Variants in AGBL4 observed in about 807,000 individuals in gnomAD.
AGBL4 encodes AGBL carboxypeptidase 4, also known as cytosolic carboxypeptidase 6.
AGBL4 carries 58 observed loss-of-function variants against 66.4 expected under a neutral mutation model. That is an observed-to-expected ratio of 0.87 (90% CI 0.71 to 1.09). The LOEUF is 1.09. Among genes scored for constraint, AGBL4 ranks in the 50% least tolerant of loss-of-function variants. The pLI is 0.00. For missense variants in AGBL4, 579 were observed against 631.0 expected, an observed-to-expected ratio of 0.92 and a Z score of 0.88; for synonymous variants, 234 against 222.9, an observed-to-expected ratio of 1.05 and a Z score of -0.44.
At position 48,689,420 on chromosome 1, in the gene AGBL4, C is replaced by CCTTCCTTCCTTCCTTT. The variant is rs1304997044; in HGVS notation, c.635-26180_635-26179insAAAGGAAGGAAGGAAG. On this transcript the variant is annotated intron_variant, in intron 6 of 13. Transcript: ENST00000371839. ...ACCTACCTACCTTCCTTCCTTCCTT[C>CCTTCCTTCCTTCCTTT]CTTCCTTTCTTCTTTCCTTCCCTCC... Among the ~76,000 whole-genome samples the CCTTCCTTCCTTCCTTT allele has an allele frequency of 3.9e-4, 59 of 150,902 alleles. 1 individual carries two copies. The highest frequency in any genetic ancestry group is 1.4e-3 in the African/African-American group (58 of 40,520).
chr1:49,549,282 T>C (rs773450014), intron 3 of AGBL4, among the ~76,000 whole-genome samples: 69 of 151,962 alleles, frequency 4.5e-4, no homozygotes, highest in Non-Finnish European at 7.5e-4. Context: ...TTTCATTTAG[T>C]TCTGCCCTGA....
chr1:49,738,646 G>A (rs1650119690), intron 2 of AGBL4, among the ~76,000 whole-genome samples: 2 of 152,210 alleles, frequency 1.3e-5, no homozygotes, highest in African/African-American at 4.8e-5. Context: ...CTAACTGGGA[G>A]GCACCCCCCA....
At chr1:50,005,038 CA>C (rs1378679625) in intron 1 of AGBL4, among the ~76,000 whole-genome samples, 1 of 152,136 alleles carries the variant, frequency 6.6e-6, no homozygotes, top group African/African-American at 2.4e-5. Flanking sequence ...ATGGCATCTC[CA>C]GACCTGCCGG....
chr1:49,661,621 C>T (rs942317193), intron 3 of AGBL4, among the ~76,000 whole-genome samples: 1 of 152,138 alleles, frequency 6.6e-6, no homozygotes, highest in East Asian at 1.9e-4. Flanking sequence ...AATCATGAGC[C>T]AAATAAACAT....
rs187330307 is a variant in AGBL4, at chr1:49,487,624, T to C, written c.282+209689A>G. 1.6e-3 allele frequency among the ~76,000 whole-genome samples: 238 copies of C among 152,064 alleles called. 2 individuals carry two copies. Among genetic ancestry groups the C allele is most frequent in the African/African-American group, 4.9e-3 (203 of 41,508 alleles). ...CTTTGCCTTCCACCATGATTATGTT[T>C]CCTGAGGCCTCACCAGCAATGCAGA... On this transcript the variant is annotated intron_variant, in intron 3 of 13. Transcript: ENST00000371839.
chr1:48,752,947 A>G (rs1219429491), intron 6 of AGBL4, among the ~76,000 whole-genome samples: 1 of 152,072 alleles, frequency 6.6e-6, no homozygotes, highest in East Asian at 1.9e-4. Context: ...GCGGGGTTTC[A>G]CCATGTTGGC....
intron 5 of AGBL4, among the ~76,000 whole-genome samples, chr1:48,987,145 A>G (rs1475691328): frequency 2.6e-5 from 4 of 152,006 alleles, no homozygotes; most frequent in Admixed American, 1.3e-4. Flanking sequence ...AAGAAGGAAA[A>G]AAAAGAGAAA....
At chr1:49,046,095 G>T (rs1046040611) in intron 4 of AGBL4, among the ~76,000 whole-genome samples, 4 of 152,130 alleles carry the variant, frequency 2.6e-5, no homozygotes, top group African/African-American at 9.7e-5. Context: ...AACATATGTG[G>T]CATCAAATGC....
At chr1:49,119,322 C>A (rs1029808669) in intron 4 of AGBL4, among the ~76,000 whole-genome samples, 3 of 152,284 alleles carry the variant, frequency 2.0e-5, no homozygotes, top group Non-Finnish European at 2.9e-5. Flanking sequence ...TCTGCCTTCT[C>A]TTGTGGGTAT....
intron 1 of AGBL4, among the ~76,000 whole-genome samples, chr1:49,896,557 T>C (rs1320169795): frequency 2.7e-5 from 4 of 150,728 alleles, no homozygotes; most frequent in Non-Finnish European, 5.9e-5. Flanking sequence ...CTAAACTTAT[T>C]CTATGAGGCC....
chr1:49,630,668 A>T (rs953831358), intron 3 of AGBL4, among the ~76,000 whole-genome samples: 1 of 152,176 alleles, frequency 6.6e-6, no homozygotes, highest in African/African-American at 2.4e-5. Flanking sequence ...CTCCTGGCAG[A>T]TAGGCTAATT....
chr1:48,662,345 T>C (rs1444969428), intron 7 of AGBL4, among the ~76,000 whole-genome samples: 2 of 152,184 alleles, frequency 1.3e-5, no homozygotes, highest in African/African-American at 4.8e-5. Flanking sequence ...TGCTGGAAAG[T>C]GGCACAGCCA....
intron 9 of AGBL4, among the ~76,000 whole-genome samples, chr1:48,594,099 G>A (rs1419982530): frequency 6.6e-6 from 1 of 152,188 alleles, no homozygotes; most frequent in Non-Finnish European, 1.5e-5. Flanking sequence ...GCTGAGGTGG[G>A]TGGATCACCT....
chr1:48,628,097 C>T (rs545971323), intron 9 of AGBL4, among the ~76,000 whole-genome samples: 13 of 152,224 alleles, frequency 8.5e-5, no homozygotes, highest in African/African-American at 2.6e-4. Context: ...TCTACAGTGC[C>T]GGGTTCTGTG....
chr1:49,029,379 A>G (rs1341543455), intron 5 of AGBL4, among the ~76,000 whole-genome samples: 1 of 152,192 alleles, frequency 6.6e-6, no homozygotes, highest in Non-Finnish European at 1.5e-5. Flanking sequence ...ATGAAAATGC[A>G]AAGCTAAATT....
intron 6 of AGBL4, among the ~76,000 whole-genome samples, chr1:48,845,180 G>C (rs1646882251): frequency 6.6e-6 from 1 of 150,832 alleles, no homozygotes; most frequent in Non-Finnish European, 1.5e-5. Context: ...CAAAAAATTA[G>C]CTTTTTTTTC....
intron 6 of AGBL4, among the ~76,000 whole-genome samples, chr1:48,701,975 A>G (rs1390440453): frequency 6.6e-6 from 1 of 152,210 alleles, no homozygotes; most frequent in Non-Finnish European, 1.5e-5. Flanking sequence ...GGCATCTCCC[A>G]TCTTTCCATT....
At position 49,608,031 on chromosome 1, in the gene AGBL4, A is replaced by G. The variant is rs776376361; in HGVS notation, c.282+89282T>C. On this transcript the variant is annotated intron_variant, in intron 3 of 13. Transcript: ENST00000371839. The stretch of plus-strand genomic sequence containing the variant: ...CAAATGTCTTTTATGTGCCAGACTC[A>G]GTGTTACTGGGGCAGGTACAAAGAT... Among the ~76,000 whole-genome samples, 108 of 152,272 alleles carry G rather than the reference A, an allele frequency of 7.1e-4. 1 individual carries two copies. The highest frequency in any genetic ancestry group is 3.4e-3 in the Middle Eastern group (1 of 294).
intron 3 of AGBL4, among the ~76,000 whole-genome samples, chr1:49,645,139 T>C (rs1645859914): frequency 6.6e-6 from 1 of 151,422 alleles, no homozygotes; most frequent in East Asian, 1.9e-4. Flanking sequence ...GTACCTATAT[T>C]AGAAATAAGG....
Sources: allele counts gnomAD v4.1 joint callset (sites outside exome capture counted in the v4.1 genomes callset), GRCh38; gene constraint gnomAD v4.1.1; transcripts MANE v1.5; gene names NCBI Gene and HGNC (gene_info 2026-07-23, HGNC 2026-07-21).